ADAMTS9: variants seen among roughly 807,000 people sequenced by gnomAD.
ADAMTS9 encodes ADAM metallopeptidase with thrombospondin type 1 motif 9.
ADAMTS9 carries 107 observed loss-of-function variants against 257.1 expected under a neutral mutation model. The observed-to-expected ratio is 0.42, with a 90% CI of 0.36 to 0.49. The LOEUF is 0.49. Among genes scored for constraint, ADAMTS9 ranks in the 20% least tolerant of loss-of-function variants. ADAMTS9 has a pLI of 0.03. For missense variants in ADAMTS9, 2,353 were observed against 2,469.1 expected (o/e 0.95, Z 1.00); for synonymous variants, 982 against 880.9 (o/e 1.11, Z -2.03).
At chr3:64,546,198 C>T (rs1005037665) in intron 32 of ADAMTS9, among the ~76,000 whole-genome samples, 2 of 151,764 alleles carry the variant, frequency 1.3e-5, no homozygotes, top group African/African-American at 4.8e-5. Flanking sequence ...GCTGAGTATC[C>T]CTTATTGGAA....
chr3:64,609,439 G>A (rs911056683), intron 22 of ADAMTS9, among the ~76,000 whole-genome samples: 2 of 151,800 alleles, frequency 1.3e-5, no homozygotes, highest in African/African-American at 4.8e-5. Context: ...CAACATTGAA[G>A]GATACAAGAT....
intron 19 of ADAMTS9, among the ~76,000 whole-genome samples, chr3:64,618,922 G>A (rs1343848452): frequency 6.6e-6 from 1 of 152,064 alleles, no homozygotes; most frequent in Non-Finnish European, 1.5e-5. Context: ...TTCCAATGCA[G>A]GAGAAACTTT....
intron 12 of ADAMTS9, among the ~76,000 whole-genome samples, chr3:64,640,460 C>T (rs1028479112): frequency 1.3e-5 from 2 of 152,106 alleles, no homozygotes; most frequent in Non-Finnish European, 2.9e-5. Flanking sequence ...ATTGTATTAC[C>T]CCAGCCTACT....
chr3:64,666,443 G>A (rs146635708), intron 3 of ADAMTS9, among the ~76,000 whole-genome samples: 1 of 152,338 alleles, frequency 6.6e-6, no homozygotes, highest in Non-Finnish European at 1.5e-5. Context: ...GGATTCAGGA[G>A]CAAGGCGAGA....
chr3:64,524,515 A>C (rs2082886548), intron 38 of ADAMTS9, among the ~76,000 whole-genome samples: 1 of 152,240 alleles, frequency 6.6e-6, no homozygotes, highest in South Asian at 2.1e-4. Flanking sequence ...TATTTTGATA[A>C]TAGAGAACAC....
At chr3:64,619,956 G>A (rs751054541) in intron 19 of ADAMTS9, among the ~76,000 whole-genome samples, 1 of 151,648 alleles carries the variant, frequency 6.6e-6, no homozygotes, top group Non-Finnish European at 1.5e-5. Flanking sequence ...GGGTTTATAT[G>A]GACACTATCT....
intron 25 of ADAMTS9, among the ~76,000 whole-genome samples, chr3:64,603,290 A>G (rs2084498820): frequency 6.6e-6 from 1 of 152,050 alleles, no homozygotes; most frequent in African/African-American, 2.4e-5. Context: ...CTATATTATG[A>G]TATTTATTGA....
At chr3:64,584,931 C>T (rs1445442455) in intron 28 of ADAMTS9, among the ~76,000 whole-genome samples, 5 of 152,170 alleles carry the variant, frequency 3.3e-5, no homozygotes, top group Admixed American at 2.0e-4. Flanking sequence ...AATACAACAG[C>T]ACTAAATAAT....
rs189562198 is a variant in ADAMTS9 at position 64,607,197 on chromosome 3, G to C, written c.3355-118C>G. The C allele has an allele frequency of 3.6e-6, 5 of 1,379,996 alleles. No homozygotes were observed. In the African/African-American group the frequency reaches 5.7e-5, roughly 16 times the overall value. The allele number at this position is 1,379,996 out of a possible 1,614,324, so 85.5% of individuals were successfully genotyped here. A position where few individuals can be genotyped will look rare whatever the true frequency, so the allele number is the denominator to read the frequency against. On this transcript the variant is annotated intron_variant, in intron 22 of 39. Coordinates refer to ENST00000498707, the MANE Select transcript of ADAMTS9 (RefSeq NM_182920.2). ...CATCACAGTAGGCCAGAGGGCTGGC[G>C]CTCAAATAAACTAGGTCGAAGTGGG...
intron 28 of ADAMTS9, chr3:64,584,006 C>CG (rs11331591): frequency 2.0e-5 from 3 of 151,992 alleles, no homozygotes; most frequent in African/African-American, 4.8e-5. Context: ...CTGCACCCTG[C>CG]GGGGGGCTCG....
At chr3:64,614,764 G>T (rs953274976) in intron 21 of ADAMTS9, 6 of 152,274 alleles carry the variant, frequency 3.9e-5, no homozygotes, top group African/African-American at 1.5e-4. Flanking sequence ...GCAATGGAGG[G>T]TTTGCCTTGT....
intron 38 of ADAMTS9, among the ~76,000 whole-genome samples, chr3:64,525,352 A>G (rs551430823): frequency 1.9e-4 from 29 of 152,282 alleles, no homozygotes; most frequent in African/African-American, 6.0e-4. Flanking sequence ...ACCATGTCAC[A>G]TAATTCCACC....
At chr3:64,631,308 C>A in intron 16 of ADAMTS9, 147 bp downstream of exon 16, 2 of 659,828 alleles carry the variant, frequency 3.0e-6, no homozygotes, top group Non-Finnish European at 5.3e-6. Context: ...GGGAGAAATA[C>A]AATGGTGAAT....
At chr3:64,643,784 T>C (rs1409253583) in intron 11 of ADAMTS9, among the ~76,000 whole-genome samples, 3 of 151,874 alleles carry the variant, frequency 2.0e-5, no homozygotes, top group Non-Finnish European at 2.9e-5. Flanking sequence ...GATTTTTTAA[T>C]GCTTTTTTTT....
At chr3:64,518,807 C>T (rs1161352738) in intron 39 of ADAMTS9, among the ~76,000 whole-genome samples, 2 of 115,356 alleles carry the variant, frequency 1.7e-5, no homozygotes, top group East Asian at 5.8e-4. Flanking sequence ...GAGGCTTACT[C>T]TCTCACCCAG....
intron 39 of ADAMTS9, among the ~76,000 whole-genome samples, chr3:64,519,408 TC>T (rs113988363): frequency 0.015 from 2,256 of 152,226 alleles, 46 homozygotes; most frequent in African/African-American, 0.052. Flanking sequence ...AACAATTTTT[TC>T]AAAATCGAAG....
At chr3:64,683,379 C>T (rs1449531093) in intron 2 of ADAMTS9, among the ~76,000 whole-genome samples, 1 of 152,136 alleles carries the variant, frequency 6.6e-6, no homozygotes, top group African/African-American at 2.4e-5. Flanking sequence ...TAAAAGAACC[C>T]TGAGGTTCTC....
At chr3:64,534,572 A>G (rs962256366) in intron 37 of ADAMTS9, among the ~76,000 whole-genome samples, 3 of 152,174 alleles carry the variant, frequency 2.0e-5, no homozygotes, top group Non-Finnish European at 4.4e-5. Context: ...TCCAGGACTA[A>G]GTGTAGCTTA....
rs779343995 is a variant in ADAMTS9 at position 64,654,582 on chromosome 3, A to G, written c.1200T>C (p.Cys400=). 18 of 1,614,230 alleles carry G rather than the reference A, an allele frequency of 1.1e-5. No individual in the cohort carries two copies. The highest frequency in any genetic ancestry group is 1.4e-5 in the Non-Finnish European group (17 of 1,180,026). ...GCACAGAGAACTCACCTAAGGTATC[A>G]CATTTGTCGTGAGCTCTGCAGATAT... is the stretch of plus-strand genomic sequence containing the variant. ...RQDICRAHDK[C]DTLGLAELGT... Residue 400 remains cysteine, a synonymous_variant, in exon 7 of 40, where the codon TGT becomes TGC. Transcript: ENST00000498707.
Sources: allele counts gnomAD v4.1 joint callset (sites outside exome capture counted in the v4.1 genomes callset), GRCh38; gene constraint gnomAD v4.1.1; transcripts MANE v1.5; gene names NCBI Gene and HGNC (gene_info 2026-07-23, HGNC 2026-07-21).